The following SCYL3 variants were observed in gnomAD, a reference collection of about 807,000 sequenced individuals.
SCYL3 encodes protein-associating with the carboxyl-terminal domain of ezrin.
SCYL3 carries 35 observed loss-of-function variants against 73.8 expected under a neutral mutation model. The observed-to-expected ratio is 0.47, with a 90% CI of 0.36 to 0.63. SCYL3 has a LOEUF of 0.63. Among genes scored for constraint, SCYL3 ranks in the 20% least tolerant of loss-of-function variants. The pLI, the probability that SCYL3 is intolerant of heterozygous loss-of-function variation, is 0.00. For missense variants in SCYL3, 712 were observed against 798.9 expected (o/e 0.89, Z 1.31); for synonymous variants, 277 against 295.2 (o/e 0.94, Z 0.63).
Position 169,893,789 on chromosome 1 carries a change from T to A in SCYL3, c.-52A>T, listed in dbSNP as rs1268457644. ...GCGCAGCGCAGGGCTCCCTGTTACC[T>A]GCAGGAAGGCGGCGGGGGAGGAGGC... On this transcript the variant is annotated splice_region_variant and 5_prime_UTR_variant, in exon 1 of 13. Coordinates refer to ENST00000367771, the MANE Select transcript of SCYL3 (RefSeq NM_020423.7). The A allele has an allele frequency of 6.5e-6, 1 of 152,696 alleles. No homozygotes were observed. Among genetic ancestry groups the A allele is most frequent in the Non-Finnish European group, 1.5e-5 (1 of 68,476 alleles). 9.5% of individuals were successfully genotyped at this position (152,696 alleles called of 1,614,324 possible).
At chr1:169,861,665 C>T (rs1659660347) in intron 10 of SCYL3, among the ~76,000 whole-genome samples, 2 of 152,166 alleles carry the variant, frequency 1.3e-5, no homozygotes, top group African/African-American at 4.8e-5. Flanking sequence ...TGAAACATGT[C>T]CCACTTATGA....
intron 2 of SCYL3, among the ~76,000 whole-genome samples, chr1:169,887,513 A>T (rs988533014): frequency 1.3e-5 from 2 of 152,252 alleles, no homozygotes; most frequent in African/African-American, 4.8e-5. Context: ...AGATGAAAAT[A>T]ACAGGAGGCA....
intron 7 of SCYL3, among the ~76,000 whole-genome samples, chr1:169,868,011 T>C (rs1411996938): frequency 6.6e-6 from 1 of 152,210 alleles, no homozygotes; most frequent in East Asian, 1.9e-4. Context: ...ATGATAAATA[T>C]AAAATTTGTA....
At position 169,866,642 on chromosome 1, in the gene SCYL3, G is replaced by A. The variant is rs187301271; in HGVS notation, c.815+254C>T. 6.4e-4 allele frequency among the ~76,000 whole-genome samples: 97 copies of A among 152,274 alleles called. No homozygotes were observed. In the Middle Eastern group the frequency reaches 0.024, roughly 37 times the overall value. ...TTCTCTAACGACCTCCTCCTGCCCT[G>A]TGTGTTCTCAGGACTCCTTCCAAAA... On this transcript the variant is annotated intron_variant, in intron 8 of 12. Coordinates refer to ENST00000367771, the MANE Select transcript of SCYL3 (RefSeq NM_020423.7).
chr1:169,853,964 T>G, intron 12 of SCYL3, 192 bp from the exon 13 acceptor site: 2 of 653,542 alleles, frequency 3.1e-6, no homozygotes, highest in Non-Finnish European at 5.1e-6. Context: ...CACTGGAAAA[T>G]AGCTTTTCAA....
At chr1:169,881,308 A>G (rs1455672611) in intron 2 of SCYL3, among the ~76,000 whole-genome samples, 3 of 152,232 alleles carry the variant, frequency 2.0e-5, no homozygotes, top group Non-Finnish European at 4.4e-5. Flanking sequence ...AATTAAAAAA[A>G]TTGATAATAT....
chr1:169,893,621 G>A (rs940691862), intron 1 of SCYL3, among the ~76,000 whole-genome samples, 167 bp downstream of exon 1: 6 of 151,782 alleles, frequency 4.0e-5, no homozygotes, highest in Admixed American at 2.6e-4. Flanking sequence ...GAAGCTGAGA[G>A]CACAGCTCAA....
chr1:169,854,871 G>T lies in SCYL3; in HGVS notation c.1406C>A (p.Ser469Tyr). ...GTCAGGCCACTCCTCAGACTTTTTA[G>T]AACTTGATGGGAAGTTTTCACTGTC... ...SEDSENFPSSSKKSEEWPDWS... is the reference protein window; with the variant it reads ...SEDSENFPSSYKKSEEWPDWS... The change falls in exon 12 of 13, where the codon TCT (serine) becomes TAT (tyrosine). Residue 469 changes from serine to tyrosine, a missense_variant. This residue lies in a region of SCYL3 where 370 missense variants were observed against 350.8 expected (regional missense o/e 1.05). Coordinates refer to ENST00000367771, the MANE Select transcript of SCYL3 (RefSeq NM_020423.7). The T allele has an allele frequency of 6.2e-7, 1 of 1,613,880 alleles. No homozygotes were observed. The highest frequency in any genetic ancestry group is 1.1e-5 in the South Asian group (1 of 91,070).
chr1:169,859,778 T>C (rs1355560003), intron 10 of SCYL3: 1 of 152,414 alleles, frequency 6.6e-6, no homozygotes, highest in African/African-American at 2.4e-5. Context: ...CAAGTGCCTG[T>C]AGCCCGAGCT....
intron 11 of SCYL3, among the ~76,000 whole-genome samples, chr1:169,857,391 T>C (rs949437027): frequency 3.9e-5 from 6 of 152,252 alleles, no homozygotes; most frequent in Non-Finnish European, 8.8e-5. Context: ...CATTTCTTGG[T>C]TACTTATAAT....
intron 1 of SCYL3, 80 bp from the exon 2 acceptor site, chr1:169,888,970 C>G: frequency 1.4e-6 from 1 of 711,748 alleles, no homozygotes; most frequent in Non-Finnish European, 2.1e-6. Context: ...CATAGCCACC[C>G]CAAACTACTA....
At position 169,873,643 on chromosome 1, in the gene SCYL3, C is replaced by A. The variant is rs779673395; in HGVS notation, c.522+53G>T. The A allele has an allele frequency of 7.1e-6, 9 of 1,264,052 alleles. No homozygotes were observed. In the African/African-American group the frequency reaches 1.4e-4, roughly 19 times the overall value. 78.3% of individuals were successfully genotyped at this position (1,264,052 alleles called of 1,614,324 possible). A position where few individuals can be genotyped will look rare whatever the true frequency, so the allele number is the denominator to read the frequency against. On this transcript the variant is annotated intron_variant, in intron 5 of 12. Transcript: ENST00000367771. Reference sequence around the variant, plus strand: ...AGCAGAGGAAAGTTTTTTAAAATTTCATACTCAATTACACAAAGGCACCTT... The same window carrying A: ...AGCAGAGGAAAGTTTTTTAAAATTTAATACTCAATTACACAAAGGCACCTT...
At chr1:169,887,064 C>G (rs949970277) in intron 2 of SCYL3, among the ~76,000 whole-genome samples, 1 of 152,158 alleles carries the variant, frequency 6.6e-6, no homozygotes, top group Non-Finnish European at 1.5e-5. Context: ...CCATACATTT[C>G]TCAAGTGCTA....
At chr1:169,885,149 T>C (rs1428187597) in intron 2 of SCYL3, among the ~76,000 whole-genome samples, 1 of 152,244 alleles carries the variant, frequency 6.6e-6, no homozygotes, top group Non-Finnish European at 1.5e-5. Context: ...TCCTAGGTGA[T>C]GGTCTCTGAA....
chr1:169,858,558 G>C, intron 11 of SCYL3, among the ~76,000 whole-genome samples: 1 of 151,606 alleles, frequency 6.6e-6, no homozygotes, highest in East Asian at 1.9e-4. Context: ...ATAGTCATTT[G>C]TTATCATTAC....
In SCYL3 at chr1:169,849,810, A is replaced by C; in HGVS notation, c.*3903T>G. On this transcript the variant is annotated 3_prime_UTR_variant, in exon 13 of 13. Coordinates refer to ENST00000367771, the MANE Select transcript of SCYL3 (RefSeq NM_020423.7). ...TGAATTTCGTAAGGTCCTCTGAATAAACAAGGACCAGAACAGGCATACACA... is the reference window on the plus strand; with the variant it reads ...TGAATTTCGTAAGGTCCTCTGAATACACAAGGACCAGAACAGGCATACACA... 1 of 560,238 alleles carries C rather than the reference A, an allele frequency of 1.8e-6. No individual in the cohort carries two copies. The highest frequency in any genetic ancestry group is 3.2e-6 in the Non-Finnish European group (1 of 313,480). 34.7% of individuals were successfully genotyped at this position (560,238 alleles called of 1,614,324 possible).
rs1658540454 is a variant in SCYL3 at position 169,852,663 on chromosome 1, T to A, written c.*1050A>T. ...AGATGACTGTGTAGGGGTTTTGGGG[T>A]GCATCCTCCTACCCTTGTGATCCAA... On this transcript the variant is annotated 3_prime_UTR_variant, in exon 13 of 13. Transcript: ENST00000367771. 8.5e-6 allele frequency: 8 copies of A among 940,680 alleles called. No individual in the cohort carries two copies. The highest frequency in any genetic ancestry group is 1.7e-5 in the African/African-American group (1 of 60,486). 58.3% of individuals were successfully genotyped at this position (940,680 alleles called of 1,614,324 possible). A position where few individuals can be genotyped will look rare whatever the true frequency, so the allele number is the denominator to read the frequency against.
intron 10 of SCYL3, among the ~76,000 whole-genome samples, chr1:169,861,360 C>T (rs1308635303): frequency 6.6e-6 from 1 of 152,148 alleles, no homozygotes; most frequent in Non-Finnish European, 1.5e-5. Flanking sequence ...AAGAAGTCCA[C>T]CTGCCTTGCT....
intron 8 of SCYL3, 75 bp from the exon 9 acceptor site, chr1:169,864,583 C>T (rs1272617364): frequency 9.6e-6 from 13 of 1,361,064 alleles, no homozygotes; most frequent in African/African-American, 2.9e-5. Flanking sequence ...TTAGCCTACA[C>T]ACATCCTCTC....
Sources: allele counts gnomAD v4.1 joint callset (sites outside exome capture counted in the v4.1 genomes callset), GRCh38; gene constraint gnomAD v4.1.1; regional missense constraint gnomAD v4.1.1; transcripts MANE v1.5; gene names NCBI Gene and HGNC (gene_info 2026-07-23, HGNC 2026-07-21).